Variants in PLCB4 observed in about 807,000 individuals in gnomAD.
PLCB4 encodes the protein phospholipase C beta 4.
PLCB4 carries 77 observed loss-of-function variants against 178.8 expected under a neutral mutation model. That is an observed-to-expected ratio of 0.43 (90% CI 0.36 to 0.52). PLCB4 has a LOEUF of 0.52. Ranked by LOEUF, PLCB4 falls within the 20% of genes least tolerant of loss-of-function variation. The pLI is 0.00. For synonymous variants in PLCB4, 496 were observed against 490.8 expected (o/e 1.01, Z -0.14); for missense variants, 1,024 against 1,453.4 (o/e 0.70, Z 4.80).
intron 30 of PLCB4, among the ~76,000 whole-genome samples, 189 bp downstream of exon 30, chr20:9,437,341 G>A (rs377168823): frequency 4.6e-5 from 7 of 152,186 alleles, no homozygotes; most frequent in African/African-American, 1.2e-4. Flanking sequence ...TGGACAGGCC[G>A]TGGGCTCATG....
chr20:9,091,333 G>A (rs2090671168), intron 1 of PLCB4, among the ~76,000 whole-genome samples: 1 of 152,060 alleles, frequency 6.6e-6, no homozygotes. Flanking sequence ...TTTATGATAT[G>A]GGCATGTAGT....
At chr20:9,290,155 C>T (rs1462619021) in intron 3 of PLCB4, among the ~76,000 whole-genome samples, 5 of 146,914 alleles carry the variant, frequency 3.4e-5, no homozygotes, top group Non-Finnish European at 6.0e-5. Context: ...CTGGATCAAA[C>T]TTTATCCTTT....
intron 2 of PLCB4, among the ~76,000 whole-genome samples, chr20:9,153,840 A>T (rs114786624): frequency 0.011 from 1,695 of 152,234 alleles, 37 homozygotes; most frequent in African/African-American, 0.038. Context: ...AATCAACCAA[A>T]ATTTTGCAAA....
chr20:9,151,465 T>C (rs1467998873), intron 2 of PLCB4, among the ~76,000 whole-genome samples: 12 of 152,094 alleles, frequency 7.9e-5, no homozygotes, highest in Admixed American at 7.9e-4. Context: ...TGGGGGTTGG[T>C]CTTTGCTGTG....
At chr20:9,409,311 G>A in intron 24 of PLCB4, 130 bp downstream of exon 24, 1 of 597,630 alleles carries the variant, frequency 1.7e-6, no homozygotes, top group South Asian at 3.0e-5. Flanking sequence ...ATGTGTTATT[G>A]GATTTATATA....
intron 4 of PLCB4, among the ~76,000 whole-genome samples, chr20:9,326,979 T>G (rs2030702297): frequency 6.6e-6 from 1 of 152,186 alleles, no homozygotes; most frequent in East Asian, 1.9e-4. Context: ...TGCCTCATAT[T>G]ATATATTATC....
intron 3 of PLCB4, among the ~76,000 whole-genome samples, chr20:9,277,549 C>T (rs2094460583): frequency 6.6e-6 from 1 of 151,978 alleles, no homozygotes; most frequent in African/African-American, 2.4e-5. Flanking sequence ...GTCTAATTAC[C>T]AGTTTATTAG....
intron 14 of PLCB4, among the ~76,000 whole-genome samples, chr20:9,386,069 A>G (rs2037622099): frequency 6.6e-6 from 1 of 152,186 alleles, no homozygotes; most frequent in Non-Finnish European, 1.5e-5. Flanking sequence ...CCCCGTCAAC[A>G]GGGCGATACC....
At chr20:9,184,513 T>G (rs889965049) in intron 2 of PLCB4, among the ~76,000 whole-genome samples, 1 of 151,420 alleles carries the variant, frequency 6.6e-6, no homozygotes, top group Non-Finnish European at 1.5e-5. Context: ...TTGATAACAT[T>G]ACTATGCTCA....
At chr20:9,452,132 A>G (rs1389292900) in intron 32 of PLCB4, among the ~76,000 whole-genome samples, 3 of 152,250 alleles carry the variant, frequency 2.0e-5, no homozygotes, top group African/African-American at 7.2e-5. Flanking sequence ...GGCCTTGTGC[A>G]TGAATGCGTT....
At chr20:9,234,039 C>T (rs1342226352) in intron 3 of PLCB4, among the ~76,000 whole-genome samples, 1 of 151,736 alleles carries the variant, frequency 6.6e-6, no homozygotes, top group Non-Finnish European at 1.5e-5. Flanking sequence ...GAGGTGGTGA[C>T]GTAGAGAAAA....
chr20:9,398,131 T>C (rs948606251), intron 19 of PLCB4, among the ~76,000 whole-genome samples: 8 of 152,130 alleles, frequency 5.3e-5, no homozygotes, highest in African/African-American at 1.9e-4. Context: ...AGCCAGTGTC[T>C]CAAGAGGCAG....
rs74403050 is a variant in PLCB4 at position 9,270,116 on chromosome 20, A to T, written c.-15-37684A>T. 3.9e-4 allele frequency among the ~76,000 whole-genome samples: 59 copies of T among 152,262 alleles called. 1 individual carries two copies. The East Asian group carries it at 0.01, about 26-fold the overall frequency. On this transcript the variant is annotated intron_variant, in intron 3 of 39. Coordinates refer to ENST00000378473, the MANE Select transcript of PLCB4 (RefSeq NM_001377142.1). ...GAAGTTCCTTTTGTATTCAAGAGAA[A>T]CTACCTGTCTATGACAGCTTAAAGT...
At chr20:9,371,437 TC>T (rs1340984835) in intron 10 of PLCB4, 142 bp downstream of exon 10, 5 of 432,676 alleles carry the variant, frequency 1.2e-5, no homozygotes, top group African/African-American at 2.0e-5. Context: ...CAGTTAATTT[TC>T]TTTTCTTTCT....
In PLCB4 at chr20:9,409,177, C is replaced by T. The variant is rs200331772; in HGVS notation, c.1995C>T (p.Thr665=). ...GCQMVSLNYQ[T]PDLAMQLNQG... ...AGATGGTTTCACTGAACTATCAAAC[C>T]CCAGGTAGGAGCTGATGTCCAGTGA... Residue 665 remains threonine (T), a synonymous_variant, in exon 24 of 40, where the codon ACC becomes ACT. Coordinates refer to ENST00000378473, the MANE Select transcript of PLCB4 (RefSeq NM_001377142.1). 1.3e-6 allele frequency: 2 copies of T among 1,596,340 alleles called. No individual in the cohort carries two copies. The highest frequency in any genetic ancestry group is 1.4e-5 in the African/African-American group (1 of 73,430).
chr20:9,444,238 G>A lies in PLCB4; in HGVS notation c.2875G>A (p.Ala959Thr). The A allele has an allele frequency of 6.3e-7, 1 of 1,584,352 alleles. No homozygotes were observed. Among genetic ancestry groups the A allele is most frequent in the East Asian group, 2.2e-5 (1 of 44,606 alleles). Residue 959 changes from alanine to threonine, a missense_variant, in exon 32 of 40, where the codon GCA becomes ACA. Around this residue, in one of 7 missense-constraint regions of PLCB4, gnomAD observed 227 missense variants for 374.3 expected, o/e 0.61. Coordinates refer to ENST00000378473, the MANE Select transcript of PLCB4 (RefSeq NM_001377142.1). The part of the protein sequence containing the change: ...KELNSLKKKH[A>T]KEHSTMQKLH... ...GCTAAATTCTTTAAAGAAGAAACATGCAAAGGTACAGTGCTCTACAGCTAC... is the reference window on the plus strand; with the variant it reads ...GCTAAATTCTTTAAAGAAGAAACATACAAAGGTACAGTGCTCTACAGCTAC...
At chr20:9,218,209 C>G (rs1356147731) in intron 3 of PLCB4, among the ~76,000 whole-genome samples, 5 of 152,150 alleles carry the variant, frequency 3.3e-5, no homozygotes, top group African/African-American at 1.2e-4. Flanking sequence ...CTCCTGGGTT[C>G]AAGCGATTCT....
chr20:9,279,436 G>A (rs760448180), intron 3 of PLCB4, among the ~76,000 whole-genome samples: 11 of 151,918 alleles, frequency 7.2e-5, no homozygotes, highest in Non-Finnish European at 1.5e-4. Context: ...ACGTGAAGGG[G>A]GGGAAATGAC....
rs1241509429 is a variant in PLCB4, at chr20:9,218,383, G to T, written c.-16+931G>T. On this transcript the variant is annotated intron_variant, in intron 3 of 39. Coordinates refer to ENST00000378473, the MANE Select transcript of PLCB4 (RefSeq NM_001377142.1). Reference sequence around the variant, plus strand: ...GCCTCCCAAAGTGCTGGAATTACAGGTATGAACCACCGAACCTGGCTCAAA... The same window carrying T: ...GCCTCCCAAAGTGCTGGAATTACAGTTATGAACCACCGAACCTGGCTCAAA... 2.6e-5 allele frequency among the ~76,000 whole-genome samples: 4 copies of T among 152,160 alleles called. No homozygotes were observed. The East Asian group carries it at 7.7e-4, about 29-fold the overall frequency.
Sources: allele counts gnomAD v4.1 joint callset (sites outside exome capture counted in the v4.1 genomes callset), GRCh38; gene constraint gnomAD v4.1.1; regional missense constraint gnomAD v4.1.1; transcripts MANE v1.5; gene names NCBI Gene and HGNC (gene_info 2026-07-23, HGNC 2026-07-21).